Variants in SYNE1 observed in about 807,000 individuals in gnomAD.
The protein encoded by SYNE1 is spectrin repeat containing nuclear envelope protein 1, also known as nesprin-1.
SYNE1 carries 616 observed loss-of-function variants against 1,111.0 expected under a neutral mutation model. That is an observed-to-expected ratio of 0.55 (90% CI 0.52 to 0.59). The LOEUF is 0.59. Ranked by LOEUF, SYNE1 falls within the 20% of genes least tolerant of loss-of-function variation. The probability of loss-of-function intolerance (pLI) is 0.00; values close to 1 mark genes in which losing one functional copy is unlikely to be tolerated. For synonymous variants in SYNE1, 3,855 were observed against 3,825.8 expected (o/e 1.01, Z -0.28); for missense variants, 10,006 against 10,417.0 (o/e 0.96, Z 1.72).
intron 112 of SYNE1, among the ~76,000 whole-genome samples, chr6:152,232,819 G>A (rs1041660816): frequency 6.6e-6 from 1 of 152,186 alleles, no homozygotes; most frequent in Non-Finnish European, 1.5e-5. Flanking sequence ...TTATGCATAT[G>A]TGTATTACGA....
In SYNE1 at chr6:152,338,342, C is replaced by A. The variant is rs760387330; in HGVS notation, c.12351+899G>T. On this transcript the variant is annotated intron_variant, in intron 75 of 145. Coordinates refer to ENST00000367255, the MANE Select transcript of SYNE1 (RefSeq NM_182961.4). The stretch of plus-strand genomic sequence containing the variant: ...TTTTTCTTTTAAACTCAAGTGTGGG[C>A]CAGGCGTGGTGGCTCATGCCTGTAA... Among the ~76,000 whole-genome samples the A allele has an allele frequency of 6.3e-4, 96 of 152,160 alleles. 1 individual carries two copies. The highest frequency in any genetic ancestry group is 1.2e-3 in the Non-Finnish European group (80 of 68,016).
At chr6:152,411,552 A>C (rs2098042326) in intron 42 of SYNE1, among the ~76,000 whole-genome samples, 1 of 152,232 alleles carries the variant, frequency 6.6e-6, no homozygotes, top group Non-Finnish European at 1.5e-5. Context: ...CAAATCGGCC[A>C]ACTTGAATAT....
chr6:152,538,516 G>A (rs776576054), intron 4 of SYNE1, among the ~76,000 whole-genome samples: 4 of 151,156 alleles, frequency 2.6e-5, no homozygotes, highest in Non-Finnish European at 4.4e-5. Flanking sequence ...TGGATTATGT[G>A]ATATAAGATT....
chr6:152,305,187 G>C (rs73783826), intron 91 of SYNE1, among the ~76,000 whole-genome samples: 2,926 of 152,322 alleles, frequency 0.019, 87 homozygotes, highest in African/African-American at 0.068. Context: ...GGAAAGAAAA[G>C]AGGTGTGAGT....
At chr6:152,298,437 C>T (rs116411054) in intron 93 of SYNE1, among the ~76,000 whole-genome samples, 122 of 152,278 alleles carry the variant, frequency 8.0e-4, no homozygotes, top group Middle Eastern at 3.4e-3. Flanking sequence ...GTATTTCTAC[C>T]TTCAAGTAAG....
Position 152,225,753 on chromosome 6 carries a change from G to C in SYNE1, c.21319C>G (p.Leu7107Val). 1.9e-6 allele frequency: 3 copies of C among 1,614,146 alleles called. No individual in the cohort carries two copies. Among genetic ancestry groups the C allele is most frequent in the Non-Finnish European group, 2.5e-6 (3 of 1,180,016 alleles). ...SSIVMSTLRE[L>V]GQTWANLDHM... Reference sequence around the variant, plus strand: ...TCTAAATTTGCCCAGGTTTGGCCGAGCTCTCGCAGTGTGCTCATGACAATG... The same window carrying C: ...TCTAAATTTGCCCAGGTTTGGCCGACCTCTCGCAGTGTGCTCATGACAATG... Residue 7107 changes from leucine to valine, a missense_variant, in exon 116 of 146, where the codon CTC becomes GTC. Around this residue, in one of 7 missense-constraint regions of SYNE1, gnomAD observed 2,182 missense variants for 2,287.8 expected, o/e 0.95. Coordinates refer to ENST00000367255, the MANE Select transcript of SYNE1 (RefSeq NM_182961.4).
chr6:152,460,525 C>A (rs2098725609), intron 21 of SYNE1, among the ~76,000 whole-genome samples: 1 of 152,012 alleles, frequency 6.6e-6, no homozygotes, highest in African/African-American at 2.4e-5. Context: ...GGGTCTTCTA[C>A]TTTGTTTCTA....
At position 152,465,052 on chromosome 6, in the gene SYNE1, T is replaced by C. The variant is rs192070201; in HGVS notation, c.1932+206A>G. 2.2e-4 allele frequency: 133 copies of C among 603,222 alleles called. No individual in the cohort carries two copies. In the East Asian group the frequency reaches 2.8e-3, roughly 13 times the overall value. The allele number at this position is 603,222 out of a possible 1,614,324, so 37.4% of individuals were successfully genotyped here. ...ATAGTGCCCTCCCCTTTGCTGCCCA[T>C]TGGATTTACTCAACCCTCCATCAGC... On this transcript the variant is annotated intron_variant, in intron 18 of 145. Transcript: ENST00000367255.
In SYNE1 at chr6:152,149,552, T is replaced by A; in HGVS notation, c.24567A>T (p.Leu8189=). ...PLDAAIIEEE[L]DELRRYCQEV... Reference sequence around the variant, plus strand: ...CCTGGCAGTACCGTCGGAGCTCATCTAGTTCCTCCTCGATGATCGCTGCAT... The same window carrying A: ...CCTGGCAGTACCGTCGGAGCTCATCAAGTTCCTCCTCGATGATCGCTGCAT... Residue 8189 remains leucine, a synonymous_variant, in exon 136 of 146, where the codon CTA becomes CTT. Coordinates refer to ENST00000367255, the MANE Select transcript of SYNE1 (RefSeq NM_182961.4). The A allele has an allele frequency of 6.2e-7, 1 of 1,614,228 alleles. No individual in the cohort carries two copies. The highest frequency in any genetic ancestry group is 1.1e-5 in the South Asian group (1 of 91,086).
chr6:152,168,927 G>T (rs2064378709), intron 130 of SYNE1, among the ~76,000 whole-genome samples: 1 of 152,024 alleles, frequency 6.6e-6, no homozygotes, highest in Admixed American at 6.6e-5. Context: ...TGCTCAGGGG[G>T]TCTTCAGGTA....
intron 140 of SYNE1, among the ~76,000 whole-genome samples, chr6:152,139,501 G>C (rs2057888950): frequency 6.7e-6 from 1 of 150,362 alleles, no homozygotes; most frequent in South Asian, 2.1e-4. Context: ...AACCTGGGAG[G>C]CAGAGGTTGC....
chr6:152,359,501 A>C, intron 64 of SYNE1, 43 bp from the exon 65 acceptor site: 1 of 1,613,108 alleles, frequency 6.2e-7, no homozygotes, highest in East Asian at 2.2e-5. Flanking sequence ...TTCATGCACC[A>C]TCACATCAAC....
At chr6:152,439,122 T>C (rs1054395752) in intron 32 of SYNE1, among the ~76,000 whole-genome samples, 2 of 152,256 alleles carry the variant, frequency 1.3e-5, no homozygotes, top group African/African-American at 2.4e-5. Context: ...CGGCATATTA[T>C]ATGTGTTTGA....
chr6:152,331,887 A>G lies in SYNE1; in HGVS notation c.12798T>C (p.Ser4266=). ...FTTEWDNLAR[S]DAESTAVHLE... ...GGTGGACAGCTGTACTCTCTGCATC[A>G]GATCTGAAAATACATGGAAAGGTAT... The change falls in exon 78 of 146, where the codon TCT becomes TCC. Residue 4266 remains serine, a synonymous_variant. Transcript: ENST00000367255. 6.2e-7 allele frequency: 1 copy of G among 1,611,386 alleles called. No individual in the cohort carries two copies. The highest frequency in any genetic ancestry group is 8.5e-7 in the Non-Finnish European group (1 of 1,179,994).
At position 152,234,651 on chromosome 6, in the gene SYNE1, T is replaced by G; in HGVS notation, c.20529+17A>C. ...ACTTATAGGCCTGAATCAAATGCTTTAGATTCTTAGACTTACCAGGAAAGC... is the reference window on the plus strand; with the variant it reads ...ACTTATAGGCCTGAATCAAATGCTTGAGATTCTTAGACTTACCAGGAAAGC... On this transcript the variant is annotated intron_variant, in intron 111 of 145. Transcript: ENST00000367255. 6 of 1,614,190 alleles carry G rather than the reference T, an allele frequency of 3.7e-6. No homozygotes were observed. Among genetic ancestry groups the G allele is most frequent in the Non-Finnish European group, 5.1e-6 (6 of 1,180,010 alleles).
chr6:152,593,609 T>C (rs2099573027), intron 3 of SYNE1, among the ~76,000 whole-genome samples: 1 of 151,870 alleles, frequency 6.6e-6, no homozygotes, highest in African/African-American at 2.4e-5. Context: ...CTTGAAGACA[T>C]AGAGGACGGA....
At chr6:152,623,949 T>C (rs2099680931) in intron 3 of SYNE1, among the ~76,000 whole-genome samples, 1 of 151,418 alleles carries the variant, frequency 6.6e-6, no homozygotes, top group South Asian at 2.1e-4. Flanking sequence ...TTCTTTTGTG[T>C]AATGAACTTA....
chr6:152,463,601 ATT>A, intron 18 of SYNE1, 84 bp from the exon 19 acceptor site: 1 of 1,186,254 alleles, frequency 8.4e-7, no homozygotes, highest in Non-Finnish European at 1.2e-6. Context: ...TAGGAAAAAT[ATT>A]TTTGTTTTAA....
chr6:152,135,649 C>T (rs912807641), intron 141 of SYNE1, among the ~76,000 whole-genome samples: 2 of 152,144 alleles, frequency 1.3e-5, no homozygotes, highest in African/African-American at 2.4e-5. Flanking sequence ...TTTATTTATT[C>T]AACATACAGT....
Sources: allele counts gnomAD v4.1 joint callset (sites outside exome capture counted in the v4.1 genomes callset), GRCh38; gene constraint gnomAD v4.1.1; regional missense constraint gnomAD v4.1.1; transcripts MANE v1.5; gene names NCBI Gene and HGNC (gene_info 2026-07-23, HGNC 2026-07-21).